The following CORO1C variants were observed in gnomAD, a reference collection of about 807,000 sequenced individuals.
CORO1C encodes the protein coronin-1C.
CORO1C carries 14 observed loss-of-function variants against 51.2 expected under a neutral mutation model. The ratio of observed to expected loss-of-function variants is 0.27; its 90% CI spans 0.18 to 0.43. The LOEUF (loss-of-function observed/expected upper bound fraction) is 0.43, where lower values mean the gene tolerates loss of function less well. CORO1C is among the 20% of genes least tolerant of loss of function. The probability of loss-of-function intolerance (pLI) is 1.00; values close to 1 mark genes in which losing one functional copy is unlikely to be tolerated. For missense variants in CORO1C, 417 were observed against 607.8 expected (o/e 0.69, Z 3.30); for synonymous variants, 181 against 210.5 (o/e 0.86, Z 1.21).
In CORO1C at chr12:108,645,131, C is replaced by A. The variant is rs1184405645; in HGVS notation, c.*2272G>T. On this transcript the variant is annotated 3_prime_UTR_variant, in exon 11 of 11. Coordinates refer to ENST00000261401, the MANE Select transcript of CORO1C (RefSeq NM_014325.4). ...CCATTTTGTAATCAATGATTTTTAT[C>A]TCTGAAAATGGAAGCAAGTGTTTTG... 6.6e-6 allele frequency: 1 copy of A among 151,370 alleles called. No individual in the cohort carries two copies. Among genetic ancestry groups the A allele is most frequent in the Non-Finnish European group, 1.5e-5 (1 of 67,970 alleles). The allele number at this position is 151,370 out of a possible 1,614,324, so 9.4% of individuals were successfully genotyped here.
chr12:108,729,455 C>T (rs1172154212), intron 1 of CORO1C, among the ~76,000 whole-genome samples: 1 of 152,140 alleles, frequency 6.6e-6, no homozygotes, highest in African/African-American at 2.4e-5. Context: ...TAAATATGGA[C>T]AAGATAGGTT....
chr12:108,702,705 GC>G (rs1308614464), intron 1 of CORO1C: 20 of 1,334,772 alleles, frequency 1.5e-5, no homozygotes, highest in Non-Finnish European at 1.8e-5. Context: ...GTGGGCTGTT[GC>G]TAATTCCTTT....
At chr12:108,652,055 C>CCT (rs2032691263) in intron 8 of CORO1C, 8 of 142,944 alleles carry the variant, frequency 5.6e-5, no homozygotes, top group Non-Finnish European at 8.8e-5. Flanking sequence ...TTTTTCTTTT[C>CCT]TTTTTTTTTT....
At chr12:108,701,998 T>A (rs1201352557) in intron 1 of CORO1C, 1 of 152,584 alleles carries the variant, frequency 6.6e-6, no homozygotes, top group Non-Finnish European at 1.5e-5. Context: ...TGGTACACAG[T>A]GAGAAACAGG....
intron 2 of CORO1C, among the ~76,000 whole-genome samples, chr12:108,689,176 G>A (rs2034411019): frequency 6.6e-6 from 1 of 152,160 alleles, no homozygotes; most frequent in South Asian, 2.1e-4. Flanking sequence ...CTCCAGCCTG[G>A]GCAACAGAGC....
chr12:108,656,025 G>A lies in CORO1C; in HGVS notation c.750+1279C>T, dbSNP rs576595573. On this transcript the variant is annotated intron_variant, in intron 6 of 10. Coordinates refer to ENST00000261401, the MANE Select transcript of CORO1C (RefSeq NM_014325.4). ...TGGGATGTGAGGAGCGCCTCTGCCC[G>A]GCCGGGACCCCGTCTGGGAGGTTAG... Among the ~76,000 whole-genome samples the A allele has an allele frequency of 4.8e-3, 727 of 151,194 alleles. 7 individuals carry two copies. Among genetic ancestry groups the A allele is most frequent in the Non-Finnish European group, 6.1e-3 (416 of 67,776 alleles).
At chr12:108,649,145 T>C (rs991276586) in intron 8 of CORO1C, 125 bp from the exon 9 acceptor site, 9 of 1,072,244 alleles carry the variant, frequency 8.4e-6, no homozygotes, top group African/African-American at 1.6e-5. Flanking sequence ...TCCCCACATC[T>C]GATCCACCCC....
At chr12:108,698,351 G>A (rs540301202) in intron 2 of CORO1C, among the ~76,000 whole-genome samples, 1 of 152,366 alleles carries the variant, frequency 6.6e-6, no homozygotes, top group East Asian at 1.9e-4. Context: ...TCATAGCTGA[G>A]AACCATGGAA....
intron 3 of CORO1C, among the ~76,000 whole-genome samples, chr12:108,674,317 G>A (rs1275514825): frequency 6.6e-6 from 1 of 152,190 alleles, no homozygotes; most frequent in African/African-American, 2.4e-5. Context: ...GGGAGGCCAA[G>A]GCGGGCGGAT....
chr12:108,718,009 G>A (rs906339896), intron 1 of CORO1C, among the ~76,000 whole-genome samples: 3 of 151,620 alleles, frequency 2.0e-5, no homozygotes, highest in African/African-American at 7.3e-5. Flanking sequence ...CCTGAGGTAA[G>A]GAGTTCAAGA....
At chr12:108,685,956 T>C (rs549558891) in intron 2 of CORO1C, among the ~76,000 whole-genome samples, 1 of 152,192 alleles carries the variant, frequency 6.6e-6, no homozygotes, top group South Asian at 2.1e-4. Flanking sequence ...ATCTTCTTAC[T>C]CATAATGAAA....
intron 1 of CORO1C, among the ~76,000 whole-genome samples, chr12:108,702,580 TA>T (rs1462142886): frequency 6.6e-6 from 1 of 152,140 alleles, no homozygotes; most frequent in Non-Finnish European, 1.5e-5. Context: ...GGAGCCTGGA[TA>T]AAAATCTAAG....
chr12:108,669,893 T>C (rs999716017), intron 3 of CORO1C, among the ~76,000 whole-genome samples: 3 of 152,190 alleles, frequency 2.0e-5, no homozygotes, highest in African/African-American at 4.8e-5. Flanking sequence ...ATAGGGGATA[T>C]TAAGTGATTA....
At chr12:108,671,020 TA>T (rs545344656) in intron 3 of CORO1C, among the ~76,000 whole-genome samples, 1 of 144,896 alleles carries the variant, frequency 6.9e-6, no homozygotes, top group Admixed American at 6.9e-5. Flanking sequence ...TAATAAAGTC[TA>T]AAAAAAAAGA....
At chr12:108,702,943 C>T (rs2034921317) in intron 1 of CORO1C, 1 of 1,531,836 alleles carries the variant, frequency 6.5e-7, no homozygotes, top group African/African-American at 1.4e-5. Flanking sequence ...CTACCAGGGC[C>T]ATACATTTTG....
intron 1 of CORO1C, among the ~76,000 whole-genome samples, chr12:108,712,376 C>T (rs185523427): frequency 1.3e-5 from 2 of 151,960 alleles, no homozygotes; most frequent in African/African-American, 2.4e-5. Context: ...GAATTCGAGA[C>T]CAGCCTGGCC....
Position 108,646,545 on chromosome 12 carries a change from A to T in CORO1C, c.*858T>A, listed in dbSNP as rs918224166. The T allele has an allele frequency of 7.2e-5, 11 of 152,246 alleles. No individual in the cohort carries two copies. Among genetic ancestry groups the T allele is most frequent in the African/African-American group, 2.4e-4 (10 of 41,460 alleles). 9.4% of individuals were successfully genotyped at this position (152,246 alleles called of 1,614,324 possible). On this transcript the variant is annotated 3_prime_UTR_variant, in exon 11 of 11. Transcript: ENST00000261401. ...AATGCAATATGATCCTAGGTGTGTA[A>T]CAAACTGCAGAAACACATGCTAGTT...
chr12:108,688,302 G>A (rs1159331749), intron 2 of CORO1C, among the ~76,000 whole-genome samples: 1 of 152,042 alleles, frequency 6.6e-6, no homozygotes, highest in Non-Finnish European at 1.5e-5. Context: ...GGGCAGTACT[G>A]AGTACAATAA....
intron 8 of CORO1C, 64 bp downstream of exon 8, chr12:108,652,208 C>G: frequency 6.7e-7 from 1 of 1,489,334 alleles, no homozygotes; most frequent in East Asian, 2.3e-5. Context: ...TATGCTAGTC[C>G]AAGTACAAAT....
Sources: allele counts gnomAD v4.1 joint callset (sites outside exome capture counted in the v4.1 genomes callset), GRCh38; gene constraint gnomAD v4.1.1; transcripts MANE v1.5; gene names NCBI Gene and HGNC (gene_info 2026-07-23, HGNC 2026-07-21).